Variants in KSR1 observed in about 807,000 individuals in gnomAD.
The protein encoded by KSR1 is kinase suppressor of ras.
In KSR1, 35 loss-of-function variants were observed where a neutral mutation model predicts 92.9. The observed-to-expected ratio is 0.38, with a 90% CI of 0.29 to 0.50. KSR1 has a LOEUF of 0.50. Ranked by LOEUF, KSR1 falls within the 20% of genes least tolerant of loss-of-function variation. KSR1 has a pLI of 0.94. For missense variants in KSR1, 972 were observed against 1,158.5 expected, an observed-to-expected ratio of 0.84 and a Z score of 2.34; for synonymous variants, 467 against 472.6, an observed-to-expected ratio of 0.99 and a Z score of 0.15.
At chr17:27,606,993 C>T (rs933180214) in intron 14 of KSR1, among the ~76,000 whole-genome samples, 4 of 151,852 alleles carry the variant, frequency 2.6e-5, no homozygotes, top group African/African-American at 4.8e-5. Flanking sequence ...CACCACGCCT[C>T]GCTAATTTTT....
At chr17:27,606,547 C>A (rs957514414) in intron 14 of KSR1, among the ~76,000 whole-genome samples, 2 of 152,168 alleles carry the variant, frequency 1.3e-5, no homozygotes, top group African/African-American at 4.8e-5. Context: ...TGCACAGTAT[C>A]CCCATCACGT....
At chr17:27,483,261 C>T (rs1299403995) in intron 1 of KSR1, among the ~76,000 whole-genome samples, 7 of 152,106 alleles carry the variant, frequency 4.6e-5, no homozygotes, top group Non-Finnish European at 7.3e-5. Context: ...GGAAAGAGCA[C>T]GTTAGAGCCT....
intron 13 of KSR1, 30 bp from the exon 14 acceptor site, chr17:27,605,404 C>T (rs754099636): frequency 9.4e-6 from 15 of 1,597,006 alleles, no homozygotes; most frequent in Non-Finnish European, 1.3e-5. Flanking sequence ...GATCTGCTGC[C>T]CATCCCTGTT....
chr17:27,549,168 G>T (rs2151086472), intron 1 of KSR1, among the ~76,000 whole-genome samples: 1 of 152,358 alleles, frequency 6.6e-6, no homozygotes. Context: ...AACCATGAGG[G>T]ACAGCAGGGT....
At chr17:27,505,941 A>G (rs1234322097) in intron 1 of KSR1, among the ~76,000 whole-genome samples, 14 of 152,226 alleles carry the variant, frequency 9.2e-5, no homozygotes. Flanking sequence ...AGGGGTGACC[A>G]GGATGGCTTG....
At chr17:27,489,959 G>A (rs185168007) in intron 1 of KSR1, among the ~76,000 whole-genome samples, 1 of 152,336 alleles carries the variant, frequency 6.6e-6, no homozygotes, top group East Asian at 1.9e-4. Flanking sequence ...CATACAATTG[G>A]TTCAAAGAGG....
chr17:27,619,322 A>G (rs2074151059), intron 19 of KSR1, among the ~76,000 whole-genome samples: 1 of 150,604 alleles, frequency 6.6e-6, no homozygotes, highest in Non-Finnish European at 1.5e-5. Context: ...CTGTTTTTTA[A>G]CCCTTTAAAG....
intron 4 of KSR1, chr17:27,584,030 C>T: frequency 1.1e-6 from 1 of 951,030 alleles, no homozygotes; most frequent in African/African-American, 1.8e-5. Flanking sequence ...CTTGTCCCTT[C>T]TTGATGGGCG....
At chr17:27,542,450 G>A (rs888839860) in intron 1 of KSR1, among the ~76,000 whole-genome samples, 4 of 152,094 alleles carry the variant, frequency 2.6e-5, no homozygotes, top group Non-Finnish European at 5.9e-5. Context: ...GGCAGCCAAC[G>A]ACCAAAGTCA....
At chr17:27,601,765 C>G in intron 11 of KSR1, 1 of 694,006 alleles carries the variant, frequency 1.4e-6, no homozygotes, top group Non-Finnish European at 2.5e-6. Context: ...GCATATGTCA[C>G]CGTATCCTCC....
At chr17:27,460,478 G>C (rs2019381405) in intron 1 of KSR1, among the ~76,000 whole-genome samples, 1 of 152,214 alleles carries the variant, frequency 6.6e-6, no homozygotes, top group Non-Finnish European at 1.5e-5. Flanking sequence ...GAAGGACTTT[G>C]ACCATCAGGC....
chr17:27,457,364 C>T (rs1242625908), intron 1 of KSR1, among the ~76,000 whole-genome samples: 3 of 152,248 alleles, frequency 2.0e-5, no homozygotes, highest in Non-Finnish European at 4.4e-5. Context: ...CCTCTCAGGT[C>T]TTGTCTGCCG....
intron 1 of KSR1, among the ~76,000 whole-genome samples, chr17:27,505,153 G>T (rs2069331395): frequency 6.6e-6 from 1 of 152,218 alleles, no homozygotes; most frequent in South Asian, 2.1e-4. Context: ...TATGGCCACG[G>T]GCTATGACAC....
intron 1 of KSR1, among the ~76,000 whole-genome samples, chr17:27,503,464 C>T (rs986092730): frequency 2.0e-5 from 3 of 152,084 alleles, no homozygotes; most frequent in South Asian, 2.1e-4. Context: ...TTTGGGAGGC[C>T]GAGGTGGGCA....
intron 1 of KSR1, among the ~76,000 whole-genome samples, chr17:27,527,398 C>G (rs867244563): frequency 9.4e-6 from 1 of 106,274 alleles, no homozygotes; most frequent in Non-Finnish European, 2.1e-5. Flanking sequence ...CCCGCCCCCC[C>G]CCCCCCCTTT....
At chr17:27,553,539 G>A (rs537277405) in intron 2 of KSR1, among the ~76,000 whole-genome samples, 2 of 152,302 alleles carry the variant, frequency 1.3e-5, no homozygotes, top group South Asian at 2.1e-4. Context: ...AAGTGAGGCT[G>A]GAGTGGATGG....
In KSR1 at chr17:27,624,671, G is replaced by C. The variant is rs2074301834; in HGVS notation, c.*1279G>C. 6.6e-6 allele frequency: 1 copy of C among 152,204 alleles called. No individual in the cohort carries two copies. Among genetic ancestry groups the C allele is most frequent in the African/African-American group, 2.4e-5 (1 of 41,450 alleles). The allele number at this position is 152,204 out of a possible 1,614,324, so 9.4% of individuals were successfully genotyped here. On this transcript the variant is annotated 3_prime_UTR_variant, in exon 21 of 21. Coordinates refer to ENST00000644974, the MANE Select transcript of KSR1 (RefSeq NM_001394583.1). ...CAAGGGAGCCCTTAAGTGGAGATTA[G>C]GTTGCATTAGACTCCAAAACCAGAA...
intron 9 of KSR1, among the ~76,000 whole-genome samples, chr17:27,594,540 G>A (rs1010502467): frequency 3.3e-5 from 5 of 152,020 alleles, no homozygotes; most frequent in Admixed American, 6.6e-5. Context: ...CCCCTCCTGC[G>A]TGCACCTGCT....
intron 2 of KSR1, chr17:27,558,059 T>G (rs1306905047): frequency 1.3e-5 from 2 of 152,616 alleles, no homozygotes; most frequent in African/African-American, 4.8e-5. Flanking sequence ...ACACAAGATG[T>G]GATCAGCTAT....
Sources: allele counts gnomAD v4.1 joint callset (sites outside exome capture counted in the v4.1 genomes callset), GRCh38; gene constraint gnomAD v4.1.1; transcripts MANE v1.5; gene names NCBI Gene and HGNC (gene_info 2026-07-23, HGNC 2026-07-21).